TSEN2: variants seen among roughly 807,000 people sequenced by gnomAD.
The protein encoded by TSEN2 is tRNA splicing endonuclease subunit 2.
Under a neutral mutation model 59.2 loss-of-function variants are expected in TSEN2, and 54 were observed. The observed-to-expected ratio is 0.91, with a 90% CI of 0.73 to 1.14. The LOEUF (loss-of-function observed/expected upper bound fraction) is 1.14, where lower values mean the gene tolerates loss of function less well. Among genes scored for constraint, TSEN2 ranks in the 50% most tolerant of loss-of-function variants. TSEN2 has a pLI of 0.00. For missense variants in TSEN2, 636 were observed against 576.2 expected, an observed-to-expected ratio of 1.10 and a Z score of -1.06; for synonymous variants, 195 against 198.2, an observed-to-expected ratio of 0.98 and a Z score of 0.14.
In TSEN2 at chr3:12,532,747, C is replaced by T. The variant is rs757794279; in HGVS notation, c.*26C>T. On this transcript the variant is annotated 3_prime_UTR_variant, in exon 12 of 12. Transcript: ENST00000284995. ...CAATTCAACCTCAAATTTCTAATTT[C>T]ACCAACAACTATTTATTGAGGGCTA... 13 of 1,611,612 alleles carry T rather than the reference C, an allele frequency of 8.1e-6. No homozygotes were observed. The East Asian group carries it at 2.9e-4, about 36-fold the overall frequency.
chr3:12,536,771 C>T (rs548596987), downstream of TSEN2, among the ~76,000 whole-genome samples: 16 of 151,894 alleles, frequency 1.1e-4, no homozygotes, highest in African/African-American at 3.4e-4. Context: ...GAGGCCGAGA[C>T]GGGTGGATTG....
intron 4 of TSEN2, among the ~76,000 whole-genome samples, chr3:12,501,560 G>A (rs1205892239): frequency 6.6e-6 from 1 of 152,074 alleles, no homozygotes; most frequent in Non-Finnish European, 1.5e-5. Context: ...AGAAGCCAAT[G>A]TCCTTGTTGA....
intron 7 of TSEN2, among the ~76,000 whole-genome samples, chr3:12,517,028 A>T (rs1427398295): frequency 6.6e-6 from 1 of 152,182 alleles, no homozygotes; most frequent in Non-Finnish European, 1.5e-5. Flanking sequence ...CAATATTTCC[A>T]GTCCTTATCT....
At chr3:12,496,622 GT>G (rs1272194141) in intron 4 of TSEN2, 68 bp downstream of exon 4, 18 of 1,525,828 alleles carry the variant, frequency 1.2e-5, no homozygotes, top group Non-Finnish European at 1.6e-5. Context: ...AGGTAGTCTT[GT>G]CCCATGTAGC....
intron 4 of TSEN2, among the ~76,000 whole-genome samples, chr3:12,502,668 G>GTTTTTTTTGGTT (rs1559302021): frequency 1.6e-5 from 2 of 126,728 alleles, no homozygotes; most frequent in African/African-American, 5.8e-5. Flanking sequence ...CTGGGGGTTA[G>GTTTTTTTTGGTT]TTTTTTTTGT....
In TSEN2 at chr3:12,503,702, A is replaced by G. The variant is rs1407482560; in HGVS notation, c.749A>G (p.Asp250Gly). 3.7e-6 allele frequency: 6 copies of G among 1,613,434 alleles called. No homozygotes were observed. Among genetic ancestry groups the G allele is most frequent in the Admixed American group, 3.3e-5 (2 of 59,876 alleles). Residue 250 changes from aspartate to glycine, a missense_variant, in exon 5 of 12, where the codon GAC becomes GGC. Physicochemically the swap from Asp to Gly is moderately conservative, Grantham distance 94 (BLOSUM62 -1). Transcript: ENST00000284995. ...SQHIGLLHPG[D>G]RGPDHEYVLV... ...CACATCGGCCTCCTGCATCCTGGGG[A>G]CAGAGGGCCTGACCATGAGTACGTG...
At chr3:12,529,537 G>A (rs1349435566) in intron 9 of TSEN2, among the ~76,000 whole-genome samples, 1 of 151,390 alleles carries the variant, frequency 6.6e-6, no homozygotes, top group African/African-American at 2.4e-5. Context: ...CTTTCACATT[G>A]GGAAAAGTAT....
In TSEN2 at chr3:12,511,715, T is replaced by C. The variant is rs372889801; in HGVS notation, c.910-4896T>C. ...CTGAGTAGTTGGAACCACAGGCACATGCCACCACGCCCAGCTAATTTTTGT... is the reference window on the plus strand; with the variant it reads ...CTGAGTAGTTGGAACCACAGGCACACGCCACCACGCCCAGCTAATTTTTGT... On this transcript the variant is annotated intron_variant, in intron 6 of 11. Coordinates refer to ENST00000284995, the MANE Select transcript of TSEN2 (RefSeq NM_025265.4). Among the ~76,000 whole-genome samples the C allele has an allele frequency of 1.1e-4, 16 of 152,102 alleles. 1 individual carries two copies. The highest frequency in any genetic ancestry group is 7.9e-4 in the Admixed American group (12 of 15,274).
At chr3:12,536,764 G>T (rs1274383369), downstream of TSEN2, among the ~76,000 whole-genome samples, 1 of 152,126 alleles carries the variant, frequency 6.6e-6, no homozygotes, top group East Asian at 1.9e-4. Context: ...ACTTTGGGAG[G>T]CCGAGACGGG....
chr3:12,528,388 G>T (rs2057245059), intron 8 of TSEN2, among the ~76,000 whole-genome samples: 1 of 152,116 alleles, frequency 6.6e-6, no homozygotes, highest in Non-Finnish European at 1.5e-5. Context: ...TTTACTAATT[G>T]TACTTTGTTT....
Position 12,532,812 on chromosome 3 carries a change from T to TG in TSEN2, c.*91_*92insG. The TG allele has an allele frequency of 1.5e-6, 2 of 1,308,182 alleles. No homozygotes were observed. Among genetic ancestry groups the TG allele is most frequent in the Non-Finnish European group, 2.2e-6 (2 of 909,932 alleles). 81.0% of individuals were successfully genotyped at this position (1,308,182 alleles called of 1,614,324 possible). On this transcript the variant is annotated 3_prime_UTR_variant, in exon 12 of 12. Coordinates refer to ENST00000284995, the MANE Select transcript of TSEN2 (RefSeq NM_025265.4). ...TTTGTTGTAATCGTCCATTAATTCA[T>TG]AAGTTTTAAAGGGCATGGTGCTCCC...
intron 6 of TSEN2, chr3:12,506,633 G>T: frequency 4.6e-6 from 4 of 867,944 alleles, no homozygotes; most frequent in Non-Finnish European, 5.5e-6. Flanking sequence ...GCATCATATT[G>T]TCCCAGTGAC....
At chr3:12,486,009 A>G (rs2052577228) in intron 1 of TSEN2, among the ~76,000 whole-genome samples, 1 of 152,238 alleles carries the variant, frequency 6.6e-6, no homozygotes, top group Non-Finnish European at 1.5e-5. Flanking sequence ...TAAGTAATCT[A>G]GAGAAGACTT....
intron 10 of TSEN2, chr3:12,531,301 T>TA (rs1248998400): frequency 7.3e-6 from 3 of 410,004 alleles, no homozygotes; most frequent in South Asian, 2.8e-5. Context: ...TTTGAGGACT[T>TA]ACTATATTTA....
chr3:12,491,792 A>G (rs2053239027), intron 2 of TSEN2, among the ~76,000 whole-genome samples: 1 of 152,330 alleles, frequency 6.6e-6, no homozygotes, highest in South Asian at 2.1e-4. Context: ...GATTCACCCA[A>G]CCTTGGATTG....
At chr3:12,521,151 G>A (rs542530901) in intron 8 of TSEN2, among the ~76,000 whole-genome samples, 1 of 152,310 alleles carries the variant, frequency 6.6e-6, no homozygotes, top group East Asian at 1.9e-4. Context: ...GTATTCCACT[G>A]CATCCCCCAA....
At chr3:12,501,855 G>C (rs999581802) in intron 4 of TSEN2, among the ~76,000 whole-genome samples, 1 of 152,196 alleles carries the variant, frequency 6.6e-6, no homozygotes, top group Non-Finnish European at 1.5e-5. Context: ...TTGACCTTCT[G>C]ATCAGATTTC....
chr3:12,516,517 T>A (rs1224236374), intron 6 of TSEN2, 94 bp from the exon 7 acceptor site: 42 of 1,108,862 alleles, frequency 3.8e-5, no homozygotes, highest in Non-Finnish European at 5.2e-5. Flanking sequence ...TAAGAGCATT[T>A]GTATTTGAGG....
chr3:12,531,039 A>G (rs1392252741), intron 10 of TSEN2: 1 of 154,132 alleles, frequency 6.5e-6, no homozygotes, highest in Non-Finnish European at 1.4e-5. Flanking sequence ...ACCTCTTCAG[A>G]GGGTGGCAGG....
Sources: allele counts gnomAD v4.1 joint callset (sites outside exome capture counted in the v4.1 genomes callset), GRCh38; gene constraint gnomAD v4.1.1; transcripts MANE v1.5; gene names NCBI Gene and HGNC (gene_info 2026-07-23, HGNC 2026-07-21).